The following ALDH1L1 variants were observed in gnomAD, a reference collection of about 807,000 sequenced individuals.
ALDH1L1 encodes cytosolic 10-formyltetrahydrofolate dehydrogenase.
A neutral mutation model predicts 101.1 loss-of-function variants in ALDH1L1; 68 were observed. That is an observed-to-expected ratio of 0.67 (90% CI 0.55 to 0.82). The LOEUF (loss-of-function observed/expected upper bound fraction) is 0.82, where lower values mean the gene tolerates loss of function less well. Among genes scored for constraint, ALDH1L1 ranks in the 40% least tolerant of loss-of-function variants. The pLI is 0.00. For synonymous variants in ALDH1L1, 486 were observed against 470.8 expected (o/e 1.03, Z -0.42); for missense variants, 1,087 against 1,172.7 (o/e 0.93, Z 1.07).
chr3:126,192,416 A>G (rs2081558208), intron 1 of ALDH1L1, among the ~76,000 whole-genome samples: 1 of 152,218 alleles, frequency 6.6e-6, no homozygotes, highest in African/African-American at 2.4e-5. Context: ...CCCTTCCTAT[A>G]TCAGTAAAGG....
At chr3:126,143,828 C>T (rs1488066560) in intron 9 of ALDH1L1, among the ~76,000 whole-genome samples, 1 of 152,058 alleles carries the variant, frequency 6.6e-6, no homozygotes, top group African/African-American at 2.4e-5. Context: ...GCCTGCAGTC[C>T]TGCTACTCAG....
chr3:126,159,503 G>A, intron 2 of ALDH1L1: 1 of 456,764 alleles, frequency 2.2e-6, no homozygotes. Flanking sequence ...CTGGTGTGAT[G>A]TTTGGGCCCT....
chr3:126,195,452 T>C (rs1030428280), intron 1 of ALDH1L1, among the ~76,000 whole-genome samples: 10 of 152,214 alleles, frequency 6.6e-5, no homozygotes, highest in African/African-American at 1.9e-4. Flanking sequence ...GAAGACCCAG[T>C]AGTTTCTCAA....
intron 1 of ALDH1L1, among the ~76,000 whole-genome samples, chr3:126,174,813 A>G (rs2081342874): frequency 6.6e-6 from 1 of 152,200 alleles, no homozygotes; most frequent in Admixed American, 6.5e-5. Context: ...AAGAGCTAAA[A>G]GCAAGTTTCC....
intron 1 of ALDH1L1, among the ~76,000 whole-genome samples, chr3:126,171,021 G>A (rs1021692287): frequency 1.3e-5 from 2 of 152,190 alleles, no homozygotes; most frequent in African/African-American, 4.8e-5. Context: ...ACTCTTGGCT[G>A]GGCGCGGTGG....
chr3:126,175,254 C>T (rs1010761990), intron 1 of ALDH1L1, among the ~76,000 whole-genome samples: 1 of 151,964 alleles, frequency 6.6e-6, no homozygotes, highest in African/African-American at 2.4e-5. Flanking sequence ...AGTAGCCTTC[C>T]AAAATAGAAA....
chr3:126,108,353 C>T (rs552817469), intron 20 of ALDH1L1, among the ~76,000 whole-genome samples: 257 of 152,320 alleles, frequency 1.7e-3, no homozygotes, highest in Non-Finnish European at 2.8e-3. Context: ...CCTTCTCATA[C>T]CCCCTCCAGG....
chr3:126,143,771 T>C (rs1283963146), intron 9 of ALDH1L1, among the ~76,000 whole-genome samples: 1 of 152,000 alleles, frequency 6.6e-6, no homozygotes, highest in Non-Finnish European at 1.5e-5. Context: ...AGCAAGACTT[T>C]GTCTGTAAAA....
chr3:126,118,908 A>C (rs1359001156), intron 16 of ALDH1L1, among the ~76,000 whole-genome samples: 1 of 151,942 alleles, frequency 6.6e-6, no homozygotes, highest in Non-Finnish European at 1.5e-5. Context: ...CCCTGTCCCC[A>C]ACCTGGCTAA....
chr3:126,109,921 G>C, intron 20 of ALDH1L1, 23 bp downstream of exon 20: 1 of 1,612,074 alleles, frequency 6.2e-7, no homozygotes, highest in Non-Finnish European at 8.5e-7. Flanking sequence ...TGACCCAAGC[G>C]GACCTGACAC....
rs186683778 is a variant in ALDH1L1, at chr3:126,141,808, C to T, written c.1077-3848G>A. On this transcript the variant is annotated intron_variant, in intron 9 of 22. Transcript: ENST00000393434. ...CACCTTAAGGAATGAGATTAAAAAGCAATCTAAACCCAAAACTAGCAGAAG... is the reference window on the plus strand; with the variant it reads ...CACCTTAAGGAATGAGATTAAAAAGTAATCTAAACCCAAAACTAGCAGAAG... 2.9e-3 allele frequency among the ~76,000 whole-genome samples: 435 copies of T among 151,654 alleles called. 1 individual carries two copies. Among genetic ancestry groups the T allele is most frequent in the Non-Finnish European group, 4.0e-3 (273 of 67,822 alleles).
intron 6 of ALDH1L1, 82 bp downstream of exon 6, chr3:126,154,472 C>T: frequency 7.3e-7 from 1 of 1,375,884 alleles, no homozygotes; most frequent in East Asian, 2.3e-5. Flanking sequence ...TTATACCAAC[C>T]AGTTCAAACA....
intron 11 of ALDH1L1, among the ~76,000 whole-genome samples, chr3:126,136,163 T>C (rs3772414): frequency 0.29 from 43,628 of 152,130 alleles, 8,994 homozygotes; most frequent in African/African-American, 0.59. Flanking sequence ...CATTAACTCC[T>C]CTCAAATGAC....
chr3:126,189,450 C>G (rs1294547898), intron 1 of ALDH1L1, among the ~76,000 whole-genome samples: 1 of 152,156 alleles, frequency 6.6e-6, no homozygotes, highest in Non-Finnish European at 1.5e-5. Flanking sequence ...TGTGCACTTC[C>G]AGGAAACTTG....
intron 1 of ALDH1L1, among the ~76,000 whole-genome samples, chr3:126,194,130 T>C (rs1007381784): frequency 6.6e-6 from 1 of 152,230 alleles, no homozygotes; most frequent in Non-Finnish European, 1.5e-5. Flanking sequence ...ATATAAATAG[T>C]AATTTGGTTA....
rs114620805 is a variant in ALDH1L1, at chr3:126,173,573, A to T, written c.-24+6903T>A. On this transcript the variant is annotated intron_variant, in intron 1 of 22. Coordinates refer to ENST00000393434, the MANE Select transcript of ALDH1L1 (RefSeq NM_012190.4). ...AACAAAGGGCAAATAGAAAACAGTA[A>T]TAAATATGGTAAATATTAATCCAAC... is the stretch of plus-strand genomic sequence containing the variant. 4.1e-3 allele frequency among the ~76,000 whole-genome samples: 623 copies of T among 152,346 alleles called. 7 individuals carry two copies. Among genetic ancestry groups the T allele is most frequent in the African/African-American group, 0.015 (604 of 41,588 alleles).
intron 16 of ALDH1L1, among the ~76,000 whole-genome samples, chr3:126,121,628 A>G (rs1020862993): frequency 6.6e-6 from 1 of 152,220 alleles, no homozygotes; most frequent in African/African-American, 2.4e-5. Context: ...ATCTAAAAAC[A>G]ACCACTTAAA....
chr3:126,140,683 T>C (rs549542189), intron 9 of ALDH1L1, among the ~76,000 whole-genome samples: 67 of 152,170 alleles, frequency 4.4e-4, no homozygotes, highest in African/African-American at 1.6e-3. Flanking sequence ...AATGAGAGTG[T>C]TTGTATACTA....
At chr3:126,134,787 C>T (rs572070241) in intron 12 of ALDH1L1, among the ~76,000 whole-genome samples, 29 of 152,324 alleles carry the variant, frequency 1.9e-4, no homozygotes, top group African/African-American at 6.7e-4. Context: ...CACCCCTAGA[C>T]GTTCCCAGGA....
Sources: gnomAD v4.1 joint callset for allele counts (sites outside exome capture counted in the v4.1 genomes callset) on GRCh38, gnomAD v4.1.1 for gene constraint, MANE v1.5 for transcripts, NCBI Gene and HGNC (gene_info 2026-07-23, HGNC 2026-07-21) for gene names.